The following SREK1IP1 variants were observed in gnomAD, a reference collection of about 807,000 sequenced individuals.
SREK1IP1 encodes the protein protein SREK1IP1.
In SREK1IP1, 12 loss-of-function variants were observed where a neutral mutation model predicts 22.8. The ratio of observed to expected loss-of-function variants is 0.53; its 90% CI spans 0.34 to 0.85. The LOEUF (loss-of-function observed/expected upper bound fraction) is 0.85, where lower values mean the gene tolerates loss of function less well. Among genes scored for constraint, SREK1IP1 ranks in the 40% least tolerant of loss-of-function variants. The pLI, the probability that SREK1IP1 is intolerant of heterozygous loss-of-function variation, is 0.02. For synonymous variants in SREK1IP1, 53 were observed against 52.7 expected (o/e 1.01, Z -0.02); for missense variants, 147 against 171.8 (o/e 0.86, Z 0.81).
chr5:64,767,824 G>C (rs1743073578), intron 1 of SREK1IP1, among the ~76,000 whole-genome samples: 1 of 152,214 alleles, frequency 6.6e-6, no homozygotes, highest in Non-Finnish European at 1.5e-5. Flanking sequence ...GGTTTGAGGA[G>C]ATGCTTTCCG....
chr5:64,754,450 C>G (rs1742802826), intron 1 of SREK1IP1, 88 bp from the exon 2 acceptor site: 3 of 1,324,600 alleles, frequency 2.3e-6, no homozygotes, highest in South Asian at 2.5e-5. Flanking sequence ...TAAGAAAAAC[C>G]ATTTGTTATA....
intron 1 of SREK1IP1, among the ~76,000 whole-genome samples, chr5:64,766,954 C>A (rs781661866): frequency 5.3e-5 from 8 of 152,086 alleles, no homozygotes; most frequent in Admixed American, 1.3e-4. Flanking sequence ...TTCTCACTTA[C>A]CTCCCATTTG....
chr5:64,753,898 AT>A (rs1742790227), intron 2 of SREK1IP1, among the ~76,000 whole-genome samples: 1 of 152,244 alleles, frequency 6.6e-6, no homozygotes, highest in African/African-American at 2.4e-5. Flanking sequence ...ATGAGCAGAA[AT>A]TCTGAGACCA....
chr5:64,730,524 T>C (rs73097634), intron 3 of SREK1IP1, among the ~76,000 whole-genome samples: 6,603 of 152,268 alleles, frequency 0.043, 411 homozygotes, highest in African/African-American at 0.13. Context: ...ATAGCAATTA[T>C]GGTAGGACAT....
At chr5:64,759,805 A>G (rs1742913862) in intron 1 of SREK1IP1, among the ~76,000 whole-genome samples, 1 of 152,154 alleles carries the variant, frequency 6.6e-6, no homozygotes. Context: ...CTGGGATTCC[A>G]TTTTCACTTA....
intron 1 of SREK1IP1, among the ~76,000 whole-genome samples, chr5:64,763,762 GA>G (rs1742991176): frequency 6.6e-6 from 1 of 152,198 alleles, no homozygotes; most frequent in East Asian, 1.9e-4. Context: ...CCATAGGGAT[GA>G]ATCAAGCCCC....
Position 64,765,624 on chromosome 5 carries a change from T to C in SREK1IP1, c.13+2881A>G, listed in dbSNP as rs141100400. Among the ~76,000 whole-genome samples, 7 of 152,336 alleles carry C rather than the reference T, an allele frequency of 4.6e-5. No individual in the cohort carries two copies. The East Asian group carries it at 1.3e-3, about 29-fold the overall frequency. ...AGCACTGTCACACCTATTATCTCAA[T>C]TATTGCTGGGTTTAAACAGTTTATA... On this transcript the variant is annotated intron_variant, in intron 1 of 4. Coordinates refer to ENST00000513458, the MANE Select transcript of SREK1IP1 (RefSeq NM_173829.4).
chr5:64,754,943 TAACA>T (rs755979964), intron 1 of SREK1IP1, among the ~76,000 whole-genome samples: 1 of 151,908 alleles, frequency 6.6e-6, no homozygotes, highest in African/African-American at 2.4e-5. Flanking sequence ...CACATATGGC[TAACA>T]AACATAAAAA....
chr5:64,746,532 T>C (rs184565941), intron 2 of SREK1IP1, among the ~76,000 whole-genome samples: 69 of 152,302 alleles, frequency 4.5e-4, no homozygotes, highest in African/African-American at 1.6e-3. Flanking sequence ...AGGCCTTGAA[T>C]AGACATTTGT....
At chr5:64,747,920 G>A (rs575571921) in intron 2 of SREK1IP1, among the ~76,000 whole-genome samples, 9 of 151,280 alleles carry the variant, frequency 5.9e-5, no homozygotes, top group East Asian at 3.9e-4. Context: ...GTGACAGAGC[G>A]AGACTCCACC....
intron 1 of SREK1IP1, chr5:64,754,640 T>G (rs1027043931): frequency 6.6e-6 from 2 of 302,658 alleles, no homozygotes; most frequent in Non-Finnish European, 1.3e-5. Flanking sequence ...ACTTTTAAAT[T>G]TTTTTGCAGA....
chr5:64,741,673 A>G (rs1049405818), intron 2 of SREK1IP1, among the ~76,000 whole-genome samples: 3 of 152,182 alleles, frequency 2.0e-5, no homozygotes, highest in African/African-American at 7.2e-5. Flanking sequence ...CATTAATATA[A>G]CTGAATGTGC....
chr5:64,725,157 G>A (rs1382451370), intron 4 of SREK1IP1, among the ~76,000 whole-genome samples: 1 of 151,882 alleles, frequency 6.6e-6, no homozygotes, highest in Non-Finnish European at 1.5e-5. Context: ...AGTTACAAAA[G>A]GATGCTTTTA....
At chr5:64,730,659 T>C in intron 3 of SREK1IP1, among the ~76,000 whole-genome samples, 1 of 152,202 alleles carries the variant, frequency 6.6e-6, no homozygotes. Flanking sequence ...TGGTGTCTTC[T>C]ATTTTGTCAA....
intron 2 of SREK1IP1, among the ~76,000 whole-genome samples, chr5:64,752,142 G>GT (rs1561389975): frequency 4.0e-5 from 4 of 101,124 alleles, no homozygotes; most frequent in South Asian, 6.1e-4. Flanking sequence ...AATTTTTTTT[G>GT]TGTGTTTTTT....
chr5:64,725,861 CTTT>C (rs547845420), intron 4 of SREK1IP1, among the ~76,000 whole-genome samples: 2 of 112,062 alleles, frequency 1.8e-5, no homozygotes, highest in Admixed American at 8.9e-5. Context: ...TTGTTTGTTT[CTTT>C]TTTTTTTTTT....
intron 3 of SREK1IP1, among the ~76,000 whole-genome samples, chr5:64,740,458 T>G (rs1437680334): frequency 6.6e-6 from 1 of 152,146 alleles, no homozygotes; most frequent in East Asian, 1.9e-4. Flanking sequence ...ATCAACTTTC[T>G]TTGGTATAAG....
intron 1 of SREK1IP1, among the ~76,000 whole-genome samples, chr5:64,762,452 T>C (rs531126194): frequency 1.3e-5 from 2 of 152,308 alleles, no homozygotes; most frequent in South Asian, 4.1e-4. Flanking sequence ...AAATTCAAAC[T>C]GCAGCCATAT....
At chr5:64,725,664 C>T (rs1197086874) in intron 4 of SREK1IP1, among the ~76,000 whole-genome samples, 1 of 151,946 alleles carries the variant, frequency 6.6e-6, no homozygotes, top group African/African-American at 2.4e-5. Flanking sequence ...CTTAGACTTC[C>T]AATCATCTGT....
Sources: gnomAD v4.1 joint callset for allele counts (sites outside exome capture counted in the v4.1 genomes callset) on GRCh38, gnomAD v4.1.1 for gene constraint, MANE v1.5 for transcripts, NCBI Gene and HGNC (gene_info 2026-07-23, HGNC 2026-07-21) for gene names.